The following CERS6 variants were observed in gnomAD, a reference collection of about 807,000 sequenced individuals.
CERS6 encodes LAG1 homolog, ceramide synthase 6.
Under a neutral mutation model 56.8 loss-of-function variants are expected in CERS6, and 26 were observed. The ratio of observed to expected loss-of-function variants is 0.46; its 90% CI spans 0.34 to 0.63. CERS6 has a LOEUF of 0.63. Ranked by LOEUF, CERS6 falls within the 30% of genes least tolerant of loss-of-function variation. CERS6 has a pLI of 0.01. For synonymous variants in CERS6, 164 were observed against 173.3 expected, an observed-to-expected ratio of 0.95 and a Z score of 0.42; for missense variants, 415 against 467.5, an observed-to-expected ratio of 0.89 and a Z score of 1.04.
intron 1 of CERS6, among the ~76,000 whole-genome samples, chr2:168,529,259 A>C (rs1034388530): frequency 6.6e-6 from 1 of 152,210 alleles, no homozygotes; most frequent in Non-Finnish European, 1.5e-5. Context: ...AAACAGGCAC[A>C]TGGTAAGTAG....
At chr2:168,517,213 C>A (rs926138160) in intron 1 of CERS6, among the ~76,000 whole-genome samples, 1 of 151,498 alleles carries the variant, frequency 6.6e-6, no homozygotes, top group Non-Finnish European at 1.5e-5. Flanking sequence ...AAGCAGAGGC[C>A]GGGCACAGTG....
intron 4 of CERS6, among the ~76,000 whole-genome samples, chr2:168,643,701 G>T (rs1167622864): frequency 6.6e-6 from 1 of 152,176 alleles, no homozygotes; most frequent in African/African-American, 2.4e-5. Flanking sequence ...GTGGCTGCCT[G>T]TATTCCTTGG....
intron 3 of CERS6, among the ~76,000 whole-genome samples, chr2:168,610,134 C>G (rs181224096): frequency 1.3e-5 from 2 of 152,006 alleles, no homozygotes; most frequent in African/African-American, 4.8e-5. Flanking sequence ...CCCACCACCA[C>G]GCCTGGTTAA....
intron 3 of CERS6, among the ~76,000 whole-genome samples, chr2:168,628,850 T>C (rs1038605541): frequency 2.0e-5 from 3 of 150,540 alleles, no homozygotes; most frequent in African/African-American, 7.5e-5. Context: ...TCCCTGATTC[T>C]AGCAGTAGGT....
chr2:168,744,469 C>T (rs548032973), intron 8 of CERS6, among the ~76,000 whole-genome samples: 1 of 152,140 alleles, frequency 6.6e-6, no homozygotes, highest in East Asian at 1.9e-4. Context: ...ATGCTTCAGA[C>T]CCTCGCTTCA....
chr2:168,510,828 A>C (rs1218522137), intron 1 of CERS6, among the ~76,000 whole-genome samples: 1 of 152,162 alleles, frequency 6.6e-6, no homozygotes. Context: ...GCATTAACTA[A>C]CTTACAATAA....
At chr2:168,531,484 A>C (rs1054750711) in intron 1 of CERS6, among the ~76,000 whole-genome samples, 2 of 152,076 alleles carry the variant, frequency 1.3e-5, no homozygotes. Flanking sequence ...CTCTTTCACA[A>C]ATCTGTGCAT....
intron 1 of CERS6, among the ~76,000 whole-genome samples, chr2:168,530,151 CT>C (rs1695140249): frequency 6.6e-6 from 1 of 152,194 alleles, no homozygotes; most frequent in Non-Finnish European, 1.5e-5. Context: ...TTTTGAGGCA[CT>C]TCGGATTTGT....
At chr2:168,489,485 T>TTTTC (rs1187425929) in intron 1 of CERS6, among the ~76,000 whole-genome samples, 1 of 151,796 alleles carries the variant, frequency 6.6e-6, no homozygotes, top group Non-Finnish European at 1.5e-5. Context: ...TTTTTTTTTT[T>TTTTC]TTTCTGGAAA....
Position 168,694,299 on chromosome 2 carries a change from A to T in CERS6, c.517-660A>T, listed in dbSNP as rs548405391. Among the ~76,000 whole-genome samples the T allele has an allele frequency of 3.3e-5, 5 of 152,230 alleles. No individual in the cohort carries two copies. The East Asian group carries it at 9.6e-4, about 29-fold the overall frequency. On this transcript the variant is annotated intron_variant, in intron 5 of 9. Coordinates refer to ENST00000305747, the MANE Select transcript of CERS6 (RefSeq NM_203463.3). ...GGCAGTTAAAGCAGGTATCACTCCC[A>T]TTTTACAAATAAGTAAACTAAGACC...
At chr2:168,723,335 T>G (rs55662783) in intron 8 of CERS6, among the ~76,000 whole-genome samples, 9,640 of 152,234 alleles carry the variant, frequency 0.063, 628 homozygotes, top group African/African-American at 0.15. Flanking sequence ...CTCCCAATAC[T>G]TTCTGCCTTT....
At chr2:168,524,855 T>C (rs1695043158) in intron 1 of CERS6, among the ~76,000 whole-genome samples, 1 of 151,248 alleles carries the variant, frequency 6.6e-6, no homozygotes, top group Non-Finnish European at 1.5e-5. Context: ...TATATATTAA[T>C]ATATATTTTA....
At chr2:168,546,572 G>A (rs1695469621) in intron 1 of CERS6, among the ~76,000 whole-genome samples, 1 of 152,090 alleles carries the variant, frequency 6.6e-6, no homozygotes, top group South Asian at 2.1e-4. Context: ...TTTGTCTACT[G>A]TTCTTTAATC....
intron 4 of CERS6, among the ~76,000 whole-genome samples, chr2:168,678,006 G>A (rs922502010): frequency 6.6e-6 from 1 of 152,188 alleles, no homozygotes; most frequent in Non-Finnish European, 1.5e-5. Context: ...ACCATCTCAT[G>A]CCAGTTAGAA....
At chr2:168,519,540 G>A (rs1181510807) in intron 1 of CERS6, among the ~76,000 whole-genome samples, 6 of 151,880 alleles carry the variant, frequency 4.0e-5, no homozygotes, top group Admixed American at 6.6e-5. Flanking sequence ...TTCCCCTTTT[G>A]GAACCCCCAG....
chr2:168,752,775 G>A lies in CERS6; in HGVS notation c.846-12817G>A, dbSNP rs562527499. Among the ~76,000 whole-genome samples the A allele has an allele frequency of 6.6e-5, 10 of 152,328 alleles. 1 individual carries two copies. The South Asian group carries it at 2.1e-3, about 32-fold the overall frequency. On this transcript the variant is annotated intron_variant, in intron 8 of 9. Coordinates refer to ENST00000305747, the MANE Select transcript of CERS6 (RefSeq NM_203463.3). ...GTTTGATCTCATAAATATAGCATTT[G>A]TTCAAGGCCTTGTATCCTTCATAGA...
intron 1 of CERS6, among the ~76,000 whole-genome samples, chr2:168,521,155 C>T (rs770009905): frequency 3.3e-5 from 5 of 152,176 alleles, no homozygotes; most frequent in East Asian, 1.9e-4. Context: ...CTGACAACGC[C>T]GTACAGTGAT....
intron 4 of CERS6, among the ~76,000 whole-genome samples, chr2:168,686,749 TTCTC>T (rs1396616804): frequency 6.6e-6 from 1 of 152,180 alleles, no homozygotes; most frequent in African/African-American, 2.4e-5. Context: ...GATTTCCACT[TTCTC>T]TACTTATCAG....
intron 4 of CERS6, among the ~76,000 whole-genome samples, chr2:168,681,207 T>C (rs1255158045): frequency 6.6e-6 from 1 of 152,212 alleles, no homozygotes; most frequent in Non-Finnish European, 1.5e-5. Flanking sequence ...GGTGGCAGAA[T>C]AGTTAATTAT....
Sources: gnomAD v4.1 joint callset for allele counts (sites outside exome capture counted in the v4.1 genomes callset) on GRCh38, gnomAD v4.1.1 for gene constraint, MANE v1.5 for transcripts, NCBI Gene and HGNC (gene_info 2026-07-23, HGNC 2026-07-21) for gene names.